The following AKAP13 variants were observed in gnomAD, a reference collection of about 807,000 sequenced individuals.
AKAP13 encodes the protein A-kinase anchor protein 13.
A neutral mutation model predicts 264.5 loss-of-function variants in AKAP13; 80 were observed. That is an observed-to-expected ratio of 0.30 (90% CI 0.25 to 0.36). AKAP13 has a LOEUF of 0.36. Among genes scored for constraint, AKAP13 ranks in the 10% least tolerant of loss-of-function variants. AKAP13 has a pLI of 1.00. For missense variants in AKAP13, 3,712 were observed against 3,435.2 expected, an observed-to-expected ratio of 1.08 and a Z score of -2.01; for synonymous variants, 1,380 against 1,250.2, an observed-to-expected ratio of 1.10 and a Z score of -2.19.
In AKAP13 at chr15:85,673,970, C is replaced by T. The variant is rs150020356; in HGVS notation, c.5101+4140C>T. Among the ~76,000 whole-genome samples the T allele has an allele frequency of 1.3e-3, 200 of 151,828 alleles. 4 individuals carry two copies. The East Asian group carries it at 0.027, about 20-fold the overall frequency. ...CCTCCCAAAGTGCTGGGATTACAGGCGTGAGCCACCGTGCCCGACCCAGAT... is the reference window on the plus strand; with the variant it reads ...CCTCCCAAAGTGCTGGGATTACAGGTGTGAGCCACCGTGCCCGACCCAGAT... On this transcript the variant is annotated intron_variant, in intron 14 of 36. Transcript: ENST00000394518.
intron 8 of AKAP13, among the ~76,000 whole-genome samples, chr15:85,630,358 C>T (rs934327552): frequency 4.0e-5 from 6 of 151,876 alleles, no homozygotes; most frequent in Non-Finnish European, 8.8e-5. Context: ...ATACGTAGCA[C>T]GAAAATACTC....
intron 5 of AKAP13, among the ~76,000 whole-genome samples, chr15:85,568,375 G>C (rs2078685721): frequency 6.6e-6 from 1 of 152,176 alleles, no homozygotes; most frequent in Non-Finnish European, 1.5e-5. Flanking sequence ...ATAGAGAAAA[G>C]AATGGAAAAG....
At chr15:85,726,628 C>T (rs1597190303) in intron 27 of AKAP13, 142 bp downstream of exon 27, 5 of 678,668 alleles carry the variant, frequency 7.4e-6, no homozygotes, top group East Asian at 2.8e-5. Context: ...TCCCACATGC[C>T]CTCAGAATTT....
At chr15:85,597,989 A>ATC (rs1239594962) in intron 8 of AKAP13, among the ~76,000 whole-genome samples, 1 of 151,960 alleles carries the variant, frequency 6.6e-6, no homozygotes, top group African/African-American at 2.4e-5. Flanking sequence ...GAATTGTAAG[A>ATC]TCCCCTTTCC....
intron 5 of AKAP13, among the ~76,000 whole-genome samples, chr15:85,571,512 A>G (rs1483747177): frequency 6.6e-6 from 1 of 152,244 alleles, no homozygotes; most frequent in Non-Finnish European, 1.5e-5. Context: ...TGGACCCAGT[A>G]AAGGTTTTAT....
intron 8 of AKAP13, among the ~76,000 whole-genome samples, chr15:85,609,600 C>G (rs2080510027): frequency 6.6e-6 from 1 of 152,146 alleles, no homozygotes; most frequent in Non-Finnish European, 1.5e-5. Context: ...ATTTCCTGTC[C>G]TTTGGATATA....
At chr15:85,568,141 A>G (rs1037338475) in intron 5 of AKAP13, among the ~76,000 whole-genome samples, 1 of 152,060 alleles carries the variant, frequency 6.6e-6, no homozygotes, top group Non-Finnish European at 1.5e-5. Context: ...TCTCTAGGAA[A>G]AATCCAAAAA....
At position 85,428,189 on chromosome 15, in the gene AKAP13, C is replaced by T. The variant is rs1013631816; in HGVS notation, c.-12+47391C>T. Among the ~76,000 whole-genome samples the T allele has an allele frequency of 2.0e-5, 3 of 152,246 alleles. No homozygotes were observed. In the East Asian group the frequency reaches 5.8e-4, roughly 29 times the overall value. On this transcript the variant is annotated intron_variant, in intron 1 of 36. Coordinates refer to ENST00000394518, the MANE Select transcript of AKAP13 (RefSeq NM_007200.5). ...CTTTACTTTCCTAGGCATGATCAGG[C>T]CATGGTACCTTTATTGACTGATTGA...
chr15:85,718,230 G>A lies in AKAP13; in HGVS notation c.6001+71G>A. ...CAGCATTTTTAAGCAGTAATTTGTTGGACTATGAAAAATCAGTTTTTTAGT... is the reference window on the plus strand; with the variant it reads ...CAGCATTTTTAAGCAGTAATTTGTTAGACTATGAAAAATCAGTTTTTTAGT... On this transcript the variant is annotated intron_variant, in intron 22 of 36. Transcript: ENST00000394518. This position sits in a 1 kb window ranked among gnomAD's most constrained non-coding sequence, Gnocchi z 4.9. 1 of 1,559,212 alleles carries A rather than the reference G, an allele frequency of 6.4e-7. No individual in the cohort carries two copies. The highest frequency in any genetic ancestry group is 8.7e-7 in the Non-Finnish European group (1 of 1,149,446).
rs1441186294 is a variant in AKAP13, at chr15:85,718,712, G to A, written c.6002-364G>A. 1 of 265,146 alleles carries A rather than the reference G, an allele frequency of 3.8e-6. No individual in the cohort carries two copies. The highest frequency in any genetic ancestry group is 1.1e-4 in the East Asian group (1 of 9,484). The allele number at this position is 265,146 out of a possible 1,614,324, so 16.4% of individuals were successfully genotyped here. ...AGCCCAGAGTTCAAGACTAGCCTGG[G>A]AACATAGTGAAACCCCATTTCTATA... On this transcript the variant is annotated intron_variant, in intron 22 of 36. Coordinates refer to ENST00000394518, the MANE Select transcript of AKAP13 (RefSeq NM_007200.5). This position sits in a 1 kb window ranked among gnomAD's most constrained non-coding sequence, Gnocchi z 4.9.
At chr15:85,569,451 C>CTTTTTTTT (rs71468120) in intron 5 of AKAP13, among the ~76,000 whole-genome samples, 8 of 121,816 alleles carry the variant, frequency 6.6e-5, no homozygotes, top group South Asian at 2.9e-4. Flanking sequence ...TTTTTCTTTT[C>CTTTTTTTT]TTTTTTTTTT....
At chr15:85,397,921 G>A (rs1257060905) in intron 1 of AKAP13, among the ~76,000 whole-genome samples, 1 of 152,176 alleles carries the variant, frequency 6.6e-6, no homozygotes, top group Non-Finnish European at 1.5e-5. Flanking sequence ...GTAGTAGTAA[G>A]TACTCTACAA....
chr15:85,458,393 G>GTTTTTTTTTTT lies in AKAP13; in HGVS notation c.-11-27312_-11-27302dup, dbSNP rs4037636. ...TCTTTTTTTGTATTTTTTGTTTTTT[G>GTTTTTTTTTTT]TTTTTTTTTTTTTTTACTATATATG... On this transcript the variant is annotated intron_variant, in intron 1 of 36. Transcript: ENST00000394518. Among the ~76,000 whole-genome samples the GTTTTTTTTTTT allele has an allele frequency of 2.8e-3, 333 of 120,356 alleles. 1 individual carries two copies. The highest frequency in any genetic ancestry group is 5.1e-3 in the African/African-American group (157 of 30,550). The allele number at this position is 120,356 out of a possible 152,430, so 79.0% of individuals were successfully genotyped here. A position where few individuals can be genotyped will look rare whatever the true frequency, so the allele number is the denominator to read the frequency against.
At chr15:85,483,324 C>T (rs1176528325) in intron 1 of AKAP13, among the ~76,000 whole-genome samples, 10 of 152,152 alleles carry the variant, frequency 6.6e-5, no homozygotes, top group Admixed American at 4.6e-4. Flanking sequence ...AACACAAATT[C>T]GTAAACTGTC....
intron 1 of AKAP13, among the ~76,000 whole-genome samples, chr15:85,413,934 A>G (rs1329565066): frequency 6.6e-6 from 1 of 152,196 alleles, no homozygotes; most frequent in African/African-American, 2.4e-5. Flanking sequence ...CTATTAAAGA[A>G]TATATGTATA....
At chr15:85,428,766 G>T (rs1369655442) in intron 1 of AKAP13, among the ~76,000 whole-genome samples, 1 of 152,126 alleles carries the variant, frequency 6.6e-6, no homozygotes, top group Non-Finnish European at 1.5e-5. Context: ...TTGTCTACAG[G>T]AAAAACAAAA....
At chr15:85,666,571 CAG>C (rs1463475699) in intron 13 of AKAP13, among the ~76,000 whole-genome samples, 1 of 152,162 alleles carries the variant, frequency 6.6e-6, no homozygotes, top group Non-Finnish European at 1.5e-5. Flanking sequence ...TATTTAGAGA[CAG>C]GGTCTCACTC....
intron 1 of AKAP13, among the ~76,000 whole-genome samples, chr15:85,418,160 C>A (rs2072333777): frequency 6.6e-6 from 1 of 151,562 alleles, no homozygotes. Context: ...ACTGCAGTCT[C>A]AATCTCCTGG....
chr15:85,499,779 C>T (rs937187929), intron 2 of AKAP13, among the ~76,000 whole-genome samples: 3 of 152,162 alleles, frequency 2.0e-5, no homozygotes, highest in Admixed American at 2.0e-4. Context: ...CACTCCTACT[C>T]CTATGCCCCG....
Sources: gnomAD v4.1 joint callset for allele counts (sites outside exome capture counted in the v4.1 genomes callset) on GRCh38, gnomAD v4.1.1 for gene constraint, Gnocchi (gnomAD v3.1) non-coding constraint, MANE v1.5 for transcripts, NCBI Gene and HGNC (gene_info 2026-07-23, HGNC 2026-07-21) for gene names.